The following CENPP variants were observed in gnomAD, a reference collection of about 807,000 sequenced individuals.
The protein encoded by CENPP is centromere protein P.
CENPP carries 24 observed loss-of-function variants against 35.6 expected under a neutral mutation model. The ratio of observed to expected loss-of-function variants is 0.67; its 90% CI spans 0.49 to 0.95. The LOEUF is 0.95. Ranked by LOEUF, CENPP falls within the 40% of genes least tolerant of loss-of-function variation. The pLI is 0.00. For missense variants in CENPP, 332 were observed against 345.3 expected (o/e 0.96, Z 0.31); for synonymous variants, 120 against 125.5 (o/e 0.96, Z 0.29).
At chr9:92,566,817 T>C (rs1333927467) in intron 5 of CENPP, among the ~76,000 whole-genome samples, 1 of 152,132 alleles carries the variant, frequency 6.6e-6, no homozygotes, top group Non-Finnish European at 1.5e-5. Context: ...ATCTGAAGAA[T>C]TAATGGCTGA....
chr9:92,332,967 C>T (rs184778926), intron 2 of CENPP, among the ~76,000 whole-genome samples: 4 of 151,578 alleles, frequency 2.6e-5, no homozygotes, highest in Admixed American at 6.6e-5. Context: ...TAGTAATAAG[C>T]GAATAATGAT....
chr9:92,599,300 G>A (rs1850852342), intron 5 of CENPP, among the ~76,000 whole-genome samples: 1 of 152,164 alleles, frequency 6.6e-6, no homozygotes, highest in South Asian at 2.1e-4. Flanking sequence ...TTAGGCTTAG[G>A]GGCTAAGGTC....
intron 5 of CENPP, among the ~76,000 whole-genome samples, chr9:92,484,050 T>C (rs1845997974): frequency 6.6e-6 from 1 of 152,230 alleles, no homozygotes. Context: ...TTTAAAATCT[T>C]TGTATCCAGA....
intron 5 of CENPP, among the ~76,000 whole-genome samples, chr9:92,393,964 GTAT>G (rs1842790904): frequency 6.6e-6 from 1 of 152,102 alleles, no homozygotes; most frequent in African/African-American, 2.4e-5. Context: ...GGTTCAACTA[GTAT>G]TTGCCATGTT....
chr9:92,498,556 AAAT>A (rs1482809172), intron 5 of CENPP, among the ~76,000 whole-genome samples: 3 of 152,122 alleles, frequency 2.0e-5, no homozygotes, highest in Admixed American at 1.3e-4. Flanking sequence ...ACACAGTCAA[AAAT>A]AATATTAATT....
At chr9:92,374,030 T>C (rs1163072401) in intron 4 of CENPP, among the ~76,000 whole-genome samples, 1 of 151,712 alleles carries the variant, frequency 6.6e-6, no homozygotes, top group African/African-American at 2.4e-5. Context: ...AGGGAGGACT[T>C]TTTTCCTGAA....
In CENPP at chr9:92,544,033, CTT is replaced by C. The variant is rs150706962; in HGVS notation, c.565-67280_565-67279del. ...TTTTAGATATTTTTTATTTCTTTCTCTTATCTAATTGCTCTGGCTAGGACTAC... is the reference window on the plus strand; with the variant it reads ...TTTTAGATATTTTTTATTTCTTTCTCATCTAATTGCTCTGGCTAGGACTAC... On this transcript the variant is annotated intron_variant, in intron 5 of 7. Transcript: ENST00000375587. 5.3e-3 allele frequency among the ~76,000 whole-genome samples: 801 copies of C among 152,272 alleles called. 13 individuals carry two copies. Among genetic ancestry groups the C allele is most frequent in the African/African-American group, 0.018 (749 of 41,554 alleles).
chr9:92,493,704 A>G lies in CENPP; in HGVS notation c.564+113845A>G, dbSNP rs576869274. The G allele has an allele frequency of 6.3e-5, 10 of 158,358 alleles. No homozygotes were observed. The South Asian group carries it at 1.7e-3, about 27-fold the overall frequency. The allele number at this position is 158,358 out of a possible 1,614,324, so 9.8% of individuals were successfully genotyped here. A position where few individuals can be genotyped will look rare whatever the true frequency, so the allele number is the denominator to read the frequency against. ...ACATTTATCACTTTTTTATGGAATT[A>G]AAACTTCCCATCTAGAACATCATGA... On this transcript the variant is annotated intron_variant, in intron 5 of 7. Transcript: ENST00000375587.
chr9:92,544,776 C>T (rs563169941), intron 5 of CENPP, among the ~76,000 whole-genome samples: 2 of 143,964 alleles, frequency 1.4e-5, no homozygotes, highest in East Asian at 2.2e-4. Flanking sequence ...TGTGCAGTGG[C>T]GCGATCTCAG....
chr9:92,358,409 A>G (rs768980735), intron 4 of CENPP, among the ~76,000 whole-genome samples: 1 of 151,778 alleles, frequency 6.6e-6, no homozygotes, highest in Non-Finnish European at 1.5e-5. Context: ...CATTCAGCTA[A>G]TTTTTTGTAT....
intron 5 of CENPP, among the ~76,000 whole-genome samples, chr9:92,559,672 A>AT (rs1195261910): frequency 1.3e-5 from 2 of 151,134 alleles, no homozygotes; most frequent in African/African-American, 2.4e-5. Context: ...TTCTTTTTTA[A>AT]TTTTTTTTCA....
intron 5 of CENPP, among the ~76,000 whole-genome samples, chr9:92,426,118 G>A (rs1262112784): frequency 1.3e-5 from 2 of 152,120 alleles, no homozygotes; most frequent in African/African-American, 2.4e-5. Context: ...GAGGTTTAAG[G>A]TGGCAAGGGA....
At chr9:92,493,996 C>T (rs902824035) in intron 5 of CENPP, 1 of 1,372,476 alleles carries the variant, frequency 7.3e-7, no homozygotes, top group South Asian at 1.2e-5. Flanking sequence ...CCTCAGGCCC[C>T]AGTGTGCTCG....
chr9:92,506,523 T>C (rs1380219487), intron 5 of CENPP, among the ~76,000 whole-genome samples: 1 of 152,108 alleles, frequency 6.6e-6, no homozygotes, highest in Non-Finnish European at 1.5e-5. Flanking sequence ...GTGGCCAAAA[T>C]TCCCAGATTA....
At chr9:92,521,121 T>C (rs1848041601) in intron 5 of CENPP, among the ~76,000 whole-genome samples, 2 of 152,222 alleles carry the variant, frequency 1.3e-5, no homozygotes, top group Admixed American at 1.3e-4. Flanking sequence ...TGTGTGGTGA[T>C]ACAATCAAAA....
At chr9:92,373,702 T>G (rs1047259441) in intron 4 of CENPP, among the ~76,000 whole-genome samples, 2 of 152,098 alleles carry the variant, frequency 1.3e-5, no homozygotes, top group Non-Finnish European at 2.9e-5. Flanking sequence ...GGTGCGTGCC[T>G]GTACTCCCAG....
At chr9:92,515,272 G>A (rs1847631982) in intron 5 of CENPP, 3 of 1,391,808 alleles carry the variant, frequency 2.2e-6, no homozygotes, top group Non-Finnish European at 2.8e-6. Context: ...AAACCATAAT[G>A]AAAATGAGGT....
chr9:92,382,964 T>A (rs1264805174), intron 5 of CENPP, among the ~76,000 whole-genome samples: 1 of 147,114 alleles, frequency 6.8e-6, no homozygotes, highest in African/African-American at 2.5e-5. Flanking sequence ...AGTGATGCGA[T>A]CTTGGCTCAC....
At chr9:92,471,653 C>A (rs930268171) in intron 5 of CENPP, among the ~76,000 whole-genome samples, 12 of 150,386 alleles carry the variant, frequency 8.0e-5, no homozygotes, top group African/African-American at 2.4e-4. Flanking sequence ...CATACTGATT[C>A]ATATATTATT....
Sources: allele counts gnomAD v4.1 joint callset (sites outside exome capture counted in the v4.1 genomes callset), GRCh38; gene constraint gnomAD v4.1.1; transcripts MANE v1.5; gene names NCBI Gene and HGNC (gene_info 2026-07-23, HGNC 2026-07-21).